GBP7: variants seen among roughly 807,000 people sequenced by gnomAD.
The protein encoded by GBP7 is guanylate binding protein 7.
A neutral mutation model predicts 61.3 loss-of-function variants in GBP7; 43 were observed. That is an observed-to-expected ratio of 0.70 (90% confidence interval 0.55 to 0.91). The LOEUF (loss-of-function observed/expected upper bound fraction) is 0.91. Among genes scored for constraint, GBP7 ranks in the 40% least tolerant of loss-of-function variants. The probability of loss-of-function intolerance (pLI) is 0.00; values close to 1 mark genes in which losing one functional copy is unlikely to be tolerated. For missense variants in GBP7, 717 were observed against 740.5 expected (o/e 0.97, Z 0.37); for synonymous variants, 267 against 271.0 (o/e 0.99, Z 0.14).
intron 9 of GBP7, among the ~76,000 whole-genome samples, chr1:89,134,246 G>T (rs1681743824): frequency 6.6e-6 from 1 of 152,166 alleles, no homozygotes; most frequent in African/African-American, 2.4e-5. Context: ...TGTTTTGCTG[G>T]CACACACTCG....
rs755181722 is a variant in GBP7, at chr1:89,149,300, T to G, written c.1144A>C (p.Lys382Gln). The change falls in exon 7 of 11, where the codon AAG (lysine) becomes CAG (glutamine). Residue 382 changes from lysine (K) to glutamine (Q), a missense_variant. This residue lies in a region of GBP7 where 312 missense variants were observed against 310.1 expected (regional missense o/e 1.01). Coordinates refer to ENST00000294671, the MANE Select transcript of GBP7 (RefSeq NM_207398.3). Reference protein sequence around the residue: ...FKDKSQEFQKKLVDTMEKKKE... With the variant: ...FKDKSQEFQKQLVDTMEKKKE... ...AAAATAACAAAGATTACCACAAGCT[T>G]CTTCTGAAATTCCTGGCTTTTATCT... 6 of 1,599,166 alleles carry G rather than the reference T, an allele frequency of 3.8e-6. No individual in the cohort carries two copies. The highest frequency in any genetic ancestry group is 1.7e-5 in the Admixed American group (1 of 58,936).
intron 10 of GBP7, among the ~76,000 whole-genome samples, chr1:89,132,683 C>T (rs139253357): frequency 3.6e-4 from 55 of 152,272 alleles, no homozygotes; most frequent in African/African-American, 1.3e-3. Context: ...AGATTTAATT[C>T]TAATTGATTC....
At chr1:89,175,344 TACAGGA>T (rs1238857068) in intron 1 of GBP7, among the ~76,000 whole-genome samples, 1 of 152,158 alleles carries the variant, frequency 6.6e-6, no homozygotes, top group East Asian at 1.9e-4. Flanking sequence ...AGCAATGGCC[TACAGGA>T]TCTGCTGGCA....
intron 9 of GBP7, among the ~76,000 whole-genome samples, chr1:89,139,110 G>C (rs1489658276): frequency 1.3e-5 from 2 of 151,974 alleles, no homozygotes; most frequent in African/African-American, 4.8e-5. Flanking sequence ...TAGATCAATG[G>C]AACAGAACAG....
intron 7 of GBP7, among the ~76,000 whole-genome samples, chr1:89,148,624 A>G (rs527614953): frequency 5.9e-5 from 9 of 152,314 alleles, no homozygotes; most frequent in Admixed American, 4.6e-4. Context: ...AACAAGAGAA[A>G]CATTTGATGC....
intron 3 of GBP7, among the ~76,000 whole-genome samples, chr1:89,156,877 C>G (rs147178652): frequency 1.0e-3 from 159 of 152,218 alleles, no homozygotes; most frequent in Non-Finnish European, 2.0e-3. Context: ...TCAGAGCTCT[C>G]CACCCCAAAT....
chr1:89,171,004 C>G (rs1192470488), intron 2 of GBP7, among the ~76,000 whole-genome samples: 1 of 152,202 alleles, frequency 6.6e-6, no homozygotes, highest in Non-Finnish European at 1.5e-5. Flanking sequence ...GTATATGTCT[C>G]CTTTTTGCCT....
chr1:89,164,027 G>A (rs534367316), intron 3 of GBP7, among the ~76,000 whole-genome samples: 2 of 152,004 alleles, frequency 1.3e-5, no homozygotes, highest in East Asian at 3.9e-4. Flanking sequence ...CCGCCTCTGC[G>A]CTGGGCTAAT....
chr1:89,151,715 CA>C (rs1257251853), intron 5 of GBP7, among the ~76,000 whole-genome samples: 3 of 151,910 alleles, frequency 2.0e-5, no homozygotes, highest in Non-Finnish European at 4.4e-5. Flanking sequence ...AAGGATTTGA[CA>C]GTCCTACTGG....
At chr1:89,159,501 A>C (rs555696791) in intron 3 of GBP7, among the ~76,000 whole-genome samples, 80 of 152,308 alleles carry the variant, frequency 5.3e-4, no homozygotes, top group African/African-American at 1.9e-3. Context: ...CAAAGAACTT[A>C]AACAAAGTTA....
chr1:89,156,333 G>A (rs1381914110), intron 3 of GBP7, among the ~76,000 whole-genome samples: 1 of 152,114 alleles, frequency 6.6e-6, no homozygotes, highest in Non-Finnish European at 1.5e-5. Flanking sequence ...ATAATGACAG[G>A]ATCAAATTCA....
At chr1:89,136,376 C>T (rs1054081709) in intron 9 of GBP7, among the ~76,000 whole-genome samples, 1 of 152,072 alleles carries the variant, frequency 6.6e-6, no homozygotes, top group Non-Finnish European at 1.5e-5. Flanking sequence ...CTCATCTGCA[C>T]ATGGCACATA....
chr1:89,175,041 G>A (rs1647703592), intron 1 of GBP7, among the ~76,000 whole-genome samples: 1 of 152,146 alleles, frequency 6.6e-6, no homozygotes, highest in African/African-American at 2.4e-5. Context: ...AAGCCTTCTT[G>A]TAGTGATGCT....
intron 10 of GBP7, 109 bp downstream of exon 10, chr1:89,133,149 T>C (rs1169357052): frequency 5.2e-6 from 4 of 765,106 alleles, no homozygotes; most frequent in Non-Finnish European, 8.9e-6. Flanking sequence ...GTGAAATATA[T>C]CTTTTGTGTT....
intron 9 of GBP7, among the ~76,000 whole-genome samples, chr1:89,140,345 A>T (rs1681906620): frequency 6.6e-6 from 1 of 151,204 alleles, no homozygotes; most frequent in Non-Finnish European, 1.5e-5. Context: ...ATGCTAAATG[A>T]TGAGTTAATG....
At chr1:89,156,266 C>A (rs1368926664) in intron 3 of GBP7, among the ~76,000 whole-genome samples, 3 of 152,158 alleles carry the variant, frequency 2.0e-5, no homozygotes, top group South Asian at 2.1e-4. Flanking sequence ...ATTGTAAAGA[C>A]CATCTATGCT....
chr1:89,166,902 G>T (rs1647458951), intron 2 of GBP7, among the ~76,000 whole-genome samples: 2 of 152,220 alleles, frequency 1.3e-5, no homozygotes, highest in African/African-American at 4.8e-5. Context: ...AGTCCTGTGA[G>T]TAAGCTCCTG....
intron 2 of GBP7, 35 bp from the exon 3 acceptor site, chr1:89,164,893 A>G: frequency 6.2e-7 from 1 of 1,609,822 alleles, no homozygotes; most frequent in Non-Finnish European, 8.5e-7. Flanking sequence ...ATATAGTGAC[A>G]GCAGAATCCA....
chr1:89,141,673 A>T (rs776969466), intron 8 of GBP7, 25 bp from the exon 9 acceptor site: 8 of 1,576,216 alleles, frequency 5.1e-6, no homozygotes, highest in Non-Finnish European at 7.0e-6. Flanking sequence ...AGGAGCAAAG[A>T]CCTGTCAGGC....
Sources: allele counts gnomAD v4.1 joint callset (sites outside exome capture counted in the v4.1 genomes callset), GRCh38; gene constraint gnomAD v4.1.1; regional missense constraint gnomAD v4.1.1; transcripts MANE v1.5; gene names NCBI Gene and HGNC (gene_info 2026-07-23, HGNC 2026-07-21).